Variants in GREB1L observed in about 807,000 individuals in gnomAD.
GREB1L encodes the protein GREB1-like protein.
In GREB1L, 17 loss-of-function variants were observed where a neutral mutation model predicts 200.8. That is an observed-to-expected ratio of 0.08 (90% CI 0.06 to 0.13). GREB1L has a LOEUF of 0.13. Ranked by LOEUF, GREB1L falls within the 10% of genes least tolerant of loss-of-function variation. The pLI is 1.00. For synonymous variants in GREB1L, 789 were observed against 893.0 expected, an observed-to-expected ratio of 0.88 and a Z score of 2.08; for missense variants, 1,657 against 2,367.7, an observed-to-expected ratio of 0.70 and a Z score of 6.23.
intron 7 of GREB1L, among the ~76,000 whole-genome samples, chr18:21,413,929 C>T (rs1314336511): frequency 1.3e-5 from 2 of 152,174 alleles, no homozygotes; most frequent in African/African-American, 4.8e-5. Context: ...TGTTAAAATG[C>T]AGTGCTGGTA....
At chr18:21,255,956 TA>T (rs1276202667) in intron 1 of GREB1L, among the ~76,000 whole-genome samples, 1 of 152,224 alleles carries the variant, frequency 6.6e-6, no homozygotes, top group Non-Finnish European at 1.5e-5. Context: ...TTGAAAATCA[TA>T]ATACTGTCTG....
intron 1 of GREB1L, among the ~76,000 whole-genome samples, chr18:21,256,872 G>T (rs1479549289): frequency 6.6e-6 from 1 of 151,858 alleles, no homozygotes. Context: ...GGGTTTGTTG[G>T]TACACGCCTA....
rs36033923 is a variant in GREB1L, at chr18:21,479,678, C to CA, written c.2556+2337dup. The stretch of plus-strand genomic sequence containing the variant: ...TGAGAGACATAGCAAGACCCTGTCT[C>CA]AAAAAAAAAAAAAAATCATTTTAAG... On this transcript the variant is annotated intron_variant, in intron 17 of 32. Coordinates refer to ENST00000424526, the MANE Select transcript of GREB1L (RefSeq NM_001142966.3). Among the ~76,000 whole-genome samples the CA allele has an allele frequency of 4.7e-3, 587 of 126,170 alleles. 3 individuals are homozygous for CA. The highest frequency in any genetic ancestry group is 0.012 in the South Asian group (47 of 4,022). The allele number at this position is 126,170 out of a possible 152,430, so 82.8% of individuals were successfully genotyped here. A position where few individuals can be genotyped will look rare whatever the true frequency, so the allele number is the denominator to read the frequency against.
At chr18:21,494,016 A>G (rs1232911265) in intron 19 of GREB1L, among the ~76,000 whole-genome samples, 1 of 152,118 alleles carries the variant, frequency 6.6e-6, no homozygotes, top group Non-Finnish European at 1.5e-5. Flanking sequence ...GGAGAAACCC[A>G]GTGTCAGGGA....
chr18:21,384,214 C>T lies in GREB1L; in HGVS notation c.166C>T (p.Pro56Ser). Residue 56 changes from proline (P) to serine (S), a missense_variant, in exon 4 of 33, where the codon CCC becomes TCC. Coordinates refer to ENST00000424526, the MANE Select transcript of GREB1L (RefSeq NM_001142966.3). ...TTTATTTGCTTACCCAGATGTCAAA[C>T]CCAAGGTGGAGGATCTGGACAAAGA... The part of the protein sequence containing the change: ...QHPFSSADVK[P>S]KVEDLDKDLV... 1 of 1,548,842 alleles carries T rather than the reference C, an allele frequency of 6.5e-7. No individual in the cohort carries two copies. Among genetic ancestry groups the T allele is most frequent in the Non-Finnish European group, 8.7e-7 (1 of 1,144,736 alleles).
intron 2 of GREB1L, among the ~76,000 whole-genome samples, chr18:21,381,350 G>C (rs1271667779): frequency 6.6e-6 from 1 of 151,958 alleles, no homozygotes; most frequent in African/African-American, 2.4e-5. Context: ...AGAGATTGCA[G>C]TGAGCCGAGA....
At chr18:21,365,386 A>G (rs2039654414) in intron 1 of GREB1L, among the ~76,000 whole-genome samples, 1 of 152,262 alleles carries the variant, frequency 6.6e-6, no homozygotes, top group South Asian at 2.1e-4. Flanking sequence ...GCAGTAGTTT[A>G]TATTGACCAT....
intron 15 of GREB1L, among the ~76,000 whole-genome samples, chr18:21,463,552 G>A (rs2035144383): frequency 6.6e-6 from 1 of 152,056 alleles, no homozygotes; most frequent in Non-Finnish European, 1.5e-5. Flanking sequence ...CAATGAAAGG[G>A]TGAAGTCATA....
In GREB1L at chr18:21,372,146, C is replaced by CTT. The variant is rs1428080234; in HGVS notation, c.-10+6011_-10+6012insTT. On this transcript the variant is annotated intron_variant, in intron 2 of 32. Coordinates refer to ENST00000424526, the MANE Select transcript of GREB1L (RefSeq NM_001142966.3). ...AAACTACGAAGTTATACAAATTTGTCTCTCTTTTTTTTTTTTTTTTGAGAC... is the reference window on the plus strand; with the variant it reads ...AAACTACGAAGTTATACAAATTTGTCTTTCTCTTTTTTTTTTTTTTTTGAGAC... Among the ~76,000 whole-genome samples the CTT allele has an allele frequency of 8.5e-3, 1,273 of 150,406 alleles. 22 individuals are homozygous for CTT. Among genetic ancestry groups the CTT allele is most frequent in the African/African-American group, 0.029 (1,190 of 40,732 alleles).
chr18:21,480,380 T>G (rs1019999353), intron 17 of GREB1L, among the ~76,000 whole-genome samples: 3 of 152,078 alleles, frequency 2.0e-5, no homozygotes, highest in African/African-American at 7.2e-5. Flanking sequence ...GGGCTTCTTA[T>G]CTTAGATATA....
chr18:21,265,137 G>C (rs1235066390), intron 1 of GREB1L, among the ~76,000 whole-genome samples: 1 of 152,142 alleles, frequency 6.6e-6, no homozygotes, highest in African/African-American at 2.4e-5. Flanking sequence ...GAAATAAAAT[G>C]TCTGAATCAA....
intron 1 of GREB1L, among the ~76,000 whole-genome samples, chr18:21,326,748 CT>C (rs1471039876): frequency 6.6e-6 from 1 of 152,198 alleles, no homozygotes; most frequent in Non-Finnish European, 1.5e-5. Flanking sequence ...GAAAAGTTCT[CT>C]TTGACCTGGA....
intron 8 of GREB1L, 29 bp from the exon 9 acceptor site, chr18:21,440,240 C>T (rs1423657869): frequency 6.5e-7 from 1 of 1,548,816 alleles, no homozygotes; most frequent in East Asian, 2.4e-5. Flanking sequence ...AAGACTATCT[C>T]TTTTTTTTGT....
chr18:21,341,305 C>G (rs1598673995), intron 1 of GREB1L, among the ~76,000 whole-genome samples: 2 of 152,310 alleles, frequency 1.3e-5, no homozygotes, highest in East Asian at 3.9e-4. Context: ...GGAGAGGCCA[C>G]AGCATTGGCA....
intron 7 of GREB1L, chr18:21,434,810 G>T (rs2033435473): frequency 6.6e-6 from 1 of 152,312 alleles, no homozygotes; most frequent in Non-Finnish European, 1.5e-5. Context: ...CATAGAAATG[G>T]ACTTTTTAAA....
chr18:21,366,508 T>G (rs193032141), intron 2 of GREB1L, among the ~76,000 whole-genome samples: 7 of 152,276 alleles, frequency 4.6e-5, no homozygotes, highest in Admixed American at 4.6e-4. Flanking sequence ...TGACTGCATA[T>G]ATTTGTCTCA....
rs555927212 is a variant in GREB1L, at chr18:21,439,577, C to T, written c.889C>T (p.Pro297Ser). 6.4e-7 allele frequency: 1 copy of T among 1,551,834 alleles called. No individual in the cohort carries two copies. Among genetic ancestry groups the T allele is most frequent in the East Asian group, 2.4e-5 (1 of 40,938 alleles). ...GGKGSASSST[P>S]AHTGNYSLSP... is the part of the protein sequence containing the mutation. ...GAAGGGCAGTGCATCCAGCTCCACT[C>T]CAGCCCACACAGGGAATTACTCTTT... The change falls in exon 8 of 33, where the codon CCA (proline) becomes TCA (serine). Residue 297 changes from proline (P) to serine (S), a missense_variant. Coordinates refer to ENST00000424526, the MANE Select transcript of GREB1L (RefSeq NM_001142966.3).
intron 15 of GREB1L, among the ~76,000 whole-genome samples, chr18:21,467,649 T>A (rs959324626): frequency 6.6e-6 from 1 of 152,198 alleles, no homozygotes; most frequent in Admixed American, 6.5e-5. Flanking sequence ...TTTAAAATGG[T>A]ACAGCCGCTT....
intron 7 of GREB1L, among the ~76,000 whole-genome samples, chr18:21,426,969 A>C (rs1392895275): frequency 1.6e-3 from 129 of 81,196 alleles, no homozygotes; most frequent in Non-Finnish European, 1.6e-3. Flanking sequence ...AAAAAAAAAA[A>C]AAACAAAAAA....
Sources: gnomAD v4.1 joint callset for allele counts (sites outside exome capture counted in the v4.1 genomes callset) on GRCh38, gnomAD v4.1.1 for gene constraint, MANE v1.5 for transcripts, NCBI Gene and HGNC (gene_info 2026-07-23, HGNC 2026-07-21) for gene names.